The following CREB1 variants were observed in gnomAD, a reference collection of about 807,000 sequenced individuals.
The protein encoded by CREB1 is cyclic AMP-responsive element-binding protein 1.
Under a neutral mutation model 42.0 loss-of-function variants are expected in CREB1, and 2 were observed. The observed-to-expected ratio is 0.05, with a 90% CI of 0.02 to 0.15. CREB1 has a LOEUF of 0.15. CREB1 is among the 10% of genes least tolerant of loss of function. The pLI is 1.00. For missense variants in CREB1, 199 were observed against 388.9 expected (o/e 0.51, Z 4.11); for synonymous variants, 123 against 139.9 (o/e 0.88, Z 0.85).
intron 7 of CREB1, among the ~76,000 whole-genome samples, chr2:207,594,529 A>G (rs2085738611): frequency 6.6e-6 from 1 of 152,176 alleles, no homozygotes; most frequent in South Asian, 2.1e-4. Flanking sequence ...AGGTTCATCT[A>G]CGTTTTGGCA....
At chr2:207,591,581 C>CCT (rs1559074544) in intron 7 of CREB1, among the ~76,000 whole-genome samples, 1 of 151,878 alleles carries the variant, frequency 6.6e-6, no homozygotes. Context: ...TACAGGTGTG[C>CCT]GCCACCACAC....
chr2:207,573,391 C>T (rs1009754763), intron 5 of CREB1, among the ~76,000 whole-genome samples: 6 of 152,136 alleles, frequency 3.9e-5, no homozygotes, highest in African/African-American at 1.4e-4. Context: ...TACTTAGTGG[C>T]TAGAACCCAG....
At chr2:207,579,221 A>C (rs1004919696) in intron 7 of CREB1, among the ~76,000 whole-genome samples, 12 of 152,150 alleles carry the variant, frequency 7.9e-5, no homozygotes, top group Middle Eastern at 3.2e-3. Context: ...ATAAAAATTA[A>C]AATATTTTCA....
chr2:207,548,193 C>T lies in CREB1; in HGVS notation c.-8-7435C>T, dbSNP rs571981030. Among the ~76,000 whole-genome samples the T allele has an allele frequency of 1.2e-4, 19 of 152,072 alleles. No individual in the cohort carries two copies. The East Asian group carries it at 2.5e-3, about 20-fold the overall frequency. Reference sequence around the variant, plus strand: ...ATCTGCCCGCCTAGGCCTCCCAAAGCGCAGGGATTACAGGTGTGAGCCACT... The same window carrying T: ...ATCTGCCCGCCTAGGCCTCCCAAAGTGCAGGGATTACAGGTGTGAGCCACT... On this transcript the variant is annotated intron_variant, in intron 1 of 7. Coordinates refer to ENST00000353267, the MANE Select transcript of CREB1 (RefSeq NM_004379.5).
At chr2:207,573,166 T>C (rs756122755) in intron 5 of CREB1, among the ~76,000 whole-genome samples, 1 of 152,248 alleles carries the variant, frequency 6.6e-6, no homozygotes, top group Non-Finnish European at 1.5e-5. Context: ...CTTCTACAAT[T>C]GTTTTATATA....
At chr2:207,595,025 C>T (rs1451225339) in intron 7 of CREB1, among the ~76,000 whole-genome samples, 3 of 134,214 alleles carry the variant, frequency 2.2e-5, no homozygotes, top group Non-Finnish European at 1.5e-5. Flanking sequence ...GAGATGGAGG[C>T]TCGCTCTGTT....
At chr2:207,571,093 C>T (rs1159759838) in intron 5 of CREB1, among the ~76,000 whole-genome samples, 1 of 57,160 alleles carries the variant, frequency 1.7e-5, no homozygotes, top group African/African-American at 4.6e-5. Flanking sequence ...GTTTATTAAA[C>T]CTGGTGCTGC....
intron 1 of CREB1, among the ~76,000 whole-genome samples, chr2:207,542,034 A>G (rs2081117921): frequency 6.6e-6 from 1 of 152,176 alleles, no homozygotes; most frequent in Admixed American, 6.5e-5. Context: ...ATTCATTTTT[A>G]TTGCCATAAT....
At chr2:207,548,363 G>T (rs1410809577) in intron 1 of CREB1, among the ~76,000 whole-genome samples, 1 of 152,140 alleles carries the variant, frequency 6.6e-6, no homozygotes, top group Non-Finnish European at 1.5e-5. Flanking sequence ...TTACAAAACT[G>T]CAATGATAAA....
intron 1 of CREB1, among the ~76,000 whole-genome samples, chr2:207,533,154 G>C (rs966661489): frequency 6.6e-6 from 1 of 151,456 alleles, no homozygotes; most frequent in African/African-American, 2.4e-5. Flanking sequence ...TTTGCTTGAA[G>C]AATGTTAAAA....
chr2:207,544,364 C>A (rs910687225), intron 1 of CREB1, among the ~76,000 whole-genome samples: 1 of 151,994 alleles, frequency 6.6e-6, no homozygotes. Flanking sequence ...TTCTTTTTTT[C>A]CACAGTTCAT....
At chr2:207,587,412 AAG>A (rs2084074637) in intron 7 of CREB1, among the ~76,000 whole-genome samples, 1 of 151,784 alleles carries the variant, frequency 6.6e-6, no homozygotes. Context: ...AAAAAGGAAA[AAG>A]AAAAAAACAC....
rs532852385 is a variant in CREB1, at chr2:207,536,728, G to A, written c.-9+6594G>A. ...TATTTGGCCAGGCGTGGTGGCTCAC[G>A]TCTGTAATCCCGGCACTTTGGGAGG... On this transcript the variant is annotated intron_variant, in intron 1 of 7. Transcript: ENST00000353267. 1.6e-4 allele frequency among the ~76,000 whole-genome samples: 24 copies of A among 151,496 alleles called. 1 individual carries two copies. In the East Asian group the frequency reaches 3.2e-3, roughly 20 times the overall value.
chr2:207,590,092 T>A (rs1023276279), intron 7 of CREB1, among the ~76,000 whole-genome samples: 3 of 140,676 alleles, frequency 2.1e-5, no homozygotes, highest in African/African-American at 7.5e-5. Context: ...AGTTTTTTTT[T>A]TTTTTTTTTT....
intron 7 of CREB1, among the ~76,000 whole-genome samples, chr2:207,592,911 C>CAAAAAAGAAACAACAAAATAA (rs2085346072): frequency 6.9e-6 from 1 of 145,122 alleles, no homozygotes; most frequent in Admixed American, 6.9e-5. Flanking sequence ...GACTCCATCT[C>CAAAAAAGAAACAACAAAATAA]AAAAAAGAAA....
At chr2:207,556,575 C>G (rs193050959) in intron 2 of CREB1, among the ~76,000 whole-genome samples, 62 of 152,294 alleles carry the variant, frequency 4.1e-4, no homozygotes, top group African/African-American at 1.5e-3. Flanking sequence ...ACTCACCACA[C>G]TTGGGTGTCT....
chr2:207,596,256 G>C (rs1014106565), intron 7 of CREB1, among the ~76,000 whole-genome samples: 2 of 152,114 alleles, frequency 1.3e-5, no homozygotes, highest in Non-Finnish European at 2.9e-5. Flanking sequence ...GAAATGATTA[G>C]TTTGTAAGAT....
intron 3 of CREB1, among the ~76,000 whole-genome samples, chr2:207,564,990 A>G (rs2082088330): frequency 6.6e-6 from 1 of 151,832 alleles, no homozygotes; most frequent in Non-Finnish European, 1.5e-5. Context: ...TTATAAAAAT[A>G]GATTTTTGAC....
At chr2:207,582,068 G>A (rs745496208) in intron 7 of CREB1, 19 of 700,998 alleles carry the variant, frequency 2.7e-5, no homozygotes, top group Non-Finnish European at 4.7e-5. Flanking sequence ...TGATCACTTG[G>A]TTAAAGTGCT....
Sources: gnomAD v4.1 joint callset for allele counts (sites outside exome capture counted in the v4.1 genomes callset) on GRCh38, gnomAD v4.1.1 for gene constraint, MANE v1.5 for transcripts, NCBI Gene and HGNC (gene_info 2026-07-23, HGNC 2026-07-21) for gene names.